MPP7: variants seen among roughly 807,000 people sequenced by gnomAD.
The protein encoded by MPP7 is MAGUK p55 subfamily member 7.
In MPP7, 60 loss-of-function variants were observed where a neutral mutation model predicts 76.5. The observed-to-expected ratio is 0.78, with a 90% CI of 0.64 to 0.97. The LOEUF (loss-of-function observed/expected upper bound fraction) is 0.97, where lower values mean the gene tolerates loss of function less well. Among genes scored for constraint, MPP7 ranks in the 50% least tolerant of loss-of-function variants. The pLI, the probability that MPP7 is intolerant of heterozygous loss-of-function variation, is 0.00. For missense variants in MPP7, 641 were observed against 694.0 expected (o/e 0.92, Z 0.86); for synonymous variants, 237 against 244.5 (o/e 0.97, Z 0.29).
chr10:28,057,160 T>C (rs1343986955), intron 15 of MPP7, among the ~76,000 whole-genome samples: 2 of 152,234 alleles, frequency 1.3e-5, no homozygotes, highest in African/African-American at 4.8e-5. Flanking sequence ...GAGCTGATAC[T>C]ACACTGTGGG....
chr10:28,165,221 T>C (rs2133839847), intron 3 of MPP7, among the ~76,000 whole-genome samples: 1 of 152,260 alleles, frequency 6.6e-6, no homozygotes. Context: ...ACTTTGCAGA[T>C]GACTCTTTAA....
At chr10:28,264,573 C>CT (rs760311602) in intron 1 of MPP7, among the ~76,000 whole-genome samples, 4,017 of 135,536 alleles carry the variant, frequency 0.03, 68 homozygotes, top group African/African-American at 0.042. Flanking sequence ...CCTCAGGGAG[C>CT]TTTTTTTTTT....
chr10:28,120,246 C>T lies in MPP7; in HGVS notation c.835G>A (p.Ala279Thr), dbSNP rs762143648. The T allele has an allele frequency of 1.9e-6, 3 of 1,613,892 alleles. No homozygotes were observed. Among genetic ancestry groups the T allele is most frequent in the Non-Finnish European group, 1.7e-6 (2 of 1,179,938 alleles). The change falls in exon 10 of 17, where the codon GCT (alanine) becomes ACT (threonine). Residue 279 changes from alanine (A) to threonine (T), a missense_variant. Coordinates refer to ENST00000683449, the MANE Select transcript of MPP7 (RefSeq NM_001318170.2). Reference protein sequence around the residue: ...DATWWQAKHEADANPRAGLIP... With the variant: ...DATWWQAKHETDANPRAGLIP... Reference sequence around the variant, plus strand: ...AAGCCTGCCCTGGGGTTGGCATCAGCTTCGTGTTTCGCTTGCCACCAAGTT... The same window carrying T: ...AAGCCTGCCCTGGGGTTGGCATCAGTTTCGTGTTTCGCTTGCCACCAAGTT...
At chr10:28,307,001 AC>A (rs1448694681), upstream of MPP7, among the ~76,000 whole-genome samples, 1 of 152,130 alleles carries the variant, frequency 6.6e-6, no homozygotes, top group Non-Finnish European at 1.5e-5. Flanking sequence ...CACCTGCCTA[AC>A]CCTAACCCTA....
chr10:28,235,801 G>A (rs992023891), intron 2 of MPP7, among the ~76,000 whole-genome samples: 9 of 152,258 alleles, frequency 5.9e-5, no homozygotes, highest in South Asian at 2.1e-4. Flanking sequence ...AACTATTATA[G>A]AAGAAATGTT....
chr10:28,265,645 A>C (rs984377012), intron 1 of MPP7, among the ~76,000 whole-genome samples: 5 of 152,172 alleles, frequency 3.3e-5, no homozygotes, highest in Non-Finnish European at 7.4e-5. Flanking sequence ...CTCAGTGTAA[A>C]ATGTCTATAA....
At chr10:28,231,311 A>G (rs1040415611) in intron 2 of MPP7, among the ~76,000 whole-genome samples, 69 of 152,078 alleles carry the variant, frequency 4.5e-4, no homozygotes, top group African/African-American at 1.6e-3. Context: ...AACAAAACTT[A>G]GCGAGAAATA....
rs1368713885 is a variant in MPP7, at chr10:28,262,181, TAAATTATATA to T, written c.-131-23456_-131-23447del. 8.1e-5 allele frequency among the ~76,000 whole-genome samples: 7 copies of T among 86,484 alleles called. 1 individual carries two copies. The highest frequency in any genetic ancestry group is 3.0e-4 in the East Asian group (1 of 3,364). The allele number at this position is 86,484 out of a possible 152,430, so 56.7% of individuals were successfully genotyped here. A position where few individuals can be genotyped will look rare whatever the true frequency, so the allele number is the denominator to read the frequency against. ...AAGAAAAAGGAAATAAATAAATAAATAAATTATATATATATATATATATATACATATATAT... is the reference window on the plus strand; with the variant it reads ...AAGAAAAAGGAAATAAATAAATAAATTATATATATATATATACATATATAT... On this transcript the variant is annotated intron_variant, in intron 1 of 16. Transcript: ENST00000683449.
At chr10:28,206,280 C>T (rs913159646) in intron 2 of MPP7, among the ~76,000 whole-genome samples, 2 of 152,136 alleles carry the variant, frequency 1.3e-5, no homozygotes, top group South Asian at 2.1e-4. Context: ...TCTTAGATGA[C>T]ACAGAATATG....
chr10:28,277,866 G>A (rs1175789372), intron 1 of MPP7, among the ~76,000 whole-genome samples: 5 of 151,940 alleles, frequency 3.3e-5, no homozygotes, highest in South Asian at 2.1e-4. Context: ...GTAAGTCCAC[G>A]GTTCCAAATC....
rs550797504 is a variant in MPP7, at chr10:28,178,861, C to T, written c.156+23292G>A. On this transcript the variant is annotated intron_variant, in intron 3 of 16. Coordinates refer to ENST00000683449, the MANE Select transcript of MPP7 (RefSeq NM_001318170.2). ...ACAAAAAAGAAACAGAGACATTCTTCTCAAATGTACTGGAATTAAAATAGC... is the reference window on the plus strand; with the variant it reads ...ACAAAAAAGAAACAGAGACATTCTTTTCAAATGTACTGGAATTAAAATAGC... Among the ~76,000 whole-genome samples the T allele has an allele frequency of 3.9e-5, 6 of 152,190 alleles. No individual in the cohort carries two copies. The South Asian group carries it at 1.0e-3, about 26-fold the overall frequency.
chr10:28,274,362 G>A (rs764606244), intron 1 of MPP7, among the ~76,000 whole-genome samples: 25 of 151,436 alleles, frequency 1.7e-4, no homozygotes, highest in Non-Finnish European at 2.8e-4. Flanking sequence ...GCCTCCCAAA[G>A]TGCTGGGATT....
intron 1 of MPP7, among the ~76,000 whole-genome samples, chr10:28,250,712 A>G (rs1255954922): frequency 2.0e-5 from 3 of 152,178 alleles, no homozygotes; most frequent in South Asian, 2.1e-4. Flanking sequence ...CCCTCTCTCA[A>G]GTTTTCTATA....
At chr10:28,099,824 A>T (rs1010005819) in intron 11 of MPP7, among the ~76,000 whole-genome samples, 1 of 152,122 alleles carries the variant, frequency 6.6e-6, no homozygotes. Flanking sequence ...AAAAAAATAA[A>T]TAAAAAATAA....
At chr10:28,275,780 A>G (rs954188056) in intron 1 of MPP7, among the ~76,000 whole-genome samples, 11 of 151,868 alleles carry the variant, frequency 7.2e-5, no homozygotes, top group Non-Finnish European at 1.6e-4. Flanking sequence ...CCAAGCCACT[A>G]TTCTCAAACA....
At chr10:28,133,750 C>T (rs1835267812) in intron 5 of MPP7, among the ~76,000 whole-genome samples, 2 of 152,100 alleles carry the variant, frequency 1.3e-5, no homozygotes, top group South Asian at 4.1e-4. Context: ...CATTCCTAGT[C>T]ATCATGCCCT....
In MPP7 at chr10:28,124,075, T is replaced by A. The variant is rs372628821; in HGVS notation, c.571A>T (p.Ile191Leu). ...VGDELREVNG[I>L]PVEDKRPEEI... The stretch of plus-strand genomic sequence containing the variant: ...TCAGGCCTTTTATCCTCCACTGGTA[T>A]CCCGTTGACTTCCCTAAGTTCATCA... The change falls in exon 8 of 17, where the codon ATA becomes TTA. Residue 191 changes from isoleucine to leucine, a missense_variant. Physicochemically the swap from Ile to Leu is conservative, Grantham distance 5. Coordinates refer to ENST00000683449, the MANE Select transcript of MPP7 (RefSeq NM_001318170.2). The A allele has an allele frequency of 5.6e-6, 9 of 1,612,962 alleles. No individual in the cohort carries two copies. The highest frequency in any genetic ancestry group is 6.8e-6 in the Non-Finnish European group (8 of 1,179,016).
At chr10:28,255,247 G>A (rs1351576818) in intron 1 of MPP7, among the ~76,000 whole-genome samples, 1 of 152,058 alleles carries the variant, frequency 6.6e-6, no homozygotes, top group East Asian at 1.9e-4. Context: ...CCGAGTAGCT[G>A]AGATTACAGG....
At chr10:28,167,456 A>G (rs1180302947) in intron 3 of MPP7, among the ~76,000 whole-genome samples, 1 of 152,144 alleles carries the variant, frequency 6.6e-6, no homozygotes, top group Non-Finnish European at 1.5e-5. Context: ...AGCAACAGAC[A>G]CCGGGCCTGC....
Sources: allele counts gnomAD v4.1 joint callset (sites outside exome capture counted in the v4.1 genomes callset), GRCh38; gene constraint gnomAD v4.1.1; transcripts MANE v1.5; gene names NCBI Gene and HGNC (gene_info 2026-07-23, HGNC 2026-07-21).